The following HCAR1 variants were observed in gnomAD, a reference collection of about 807,000 sequenced individuals.
HCAR1 encodes G protein-coupled receptor 104.
For missense variants in HCAR1, 445 were observed against 448.7 expected, an observed-to-expected ratio of 0.99 and a Z score of 0.07; for synonymous variants, 183 against 182.1, an observed-to-expected ratio of 1.01 and a Z score of -0.04.
Position 122,726,878 on chromosome 12 carries a change from A to G in HCAR1, c.*2421T>C, listed in dbSNP as rs2135496862. On this transcript the variant is annotated 3_prime_UTR_variant, in exon 1 of 1. Coordinates refer to ENST00000432564, the MANE Select transcript of HCAR1 (RefSeq NM_032554.4). ...CAGTGAGCTGAGATTGGGCCACTGTACTCCAGCCTGGGTGATAGAGCAAGA... is the reference window on the plus strand; with the variant it reads ...CAGTGAGCTGAGATTGGGCCACTGTGCTCCAGCCTGGGTGATAGAGCAAGA... The G allele has an allele frequency of 1.4e-5, 2 of 147,666 alleles. No individual in the cohort carries two copies. Among genetic ancestry groups the G allele is most frequent in the Middle Eastern group, 7.0e-3 (2 of 286 alleles). 9.1% of individuals were successfully genotyped at this position (147,666 alleles called of 1,614,324 possible).
chr12:122,729,091 A>G lies in HCAR1; in HGVS notation c.*208T>C. 1 of 593,012 alleles carries G rather than the reference A, an allele frequency of 1.7e-6. No individual in the cohort carries two copies. The highest frequency in any genetic ancestry group is 3.0e-6 in the Non-Finnish European group (1 of 334,616). The allele number at this position is 593,012 out of a possible 1,614,324, so 36.7% of individuals were successfully genotyped here. On this transcript the variant is annotated 3_prime_UTR_variant, in exon 1 of 1. Coordinates refer to ENST00000432564, the MANE Select transcript of HCAR1 (RefSeq NM_032554.4). ...CCATTGTGATCAGATAAGAAAATGCAGCCAACTCACTTCAATCAACTGGAA... is the reference window on the plus strand; with the variant it reads ...CCATTGTGATCAGATAAGAAAATGCGGCCAACTCACTTCAATCAACTGGAA...
chr12:122,730,359 TC>T lies in HCAR1; in HGVS notation c.-21del. 2 of 1,537,244 alleles carry T rather than the reference TC, an allele frequency of 1.3e-6. No homozygotes were observed. Among genetic ancestry groups the T allele is most frequent in the Non-Finnish European group, 1.8e-6 (2 of 1,140,132 alleles). On this transcript the variant is annotated 5_prime_UTR_variant, in exon 1 of 1. Transcript: ENST00000432564. ...GTACATGGCGGGGACAGAGCAAGTGTCCGGGTGCAGAGCAGCCCAGGGAGTC... is the reference window on the plus strand; with the variant it reads ...GTACATGGCGGGGACAGAGCAAGTGTCGGGTGCAGAGCAGCCCAGGGAGTC...
chr12:122,730,123 C>T lies in HCAR1; in HGVS notation c.217G>A (p.Asp73Asn), dbSNP rs761606257. The T allele has an allele frequency of 6.2e-7, 1 of 1,614,076 alleles. No homozygotes were observed. Among genetic ancestry groups the T allele is most frequent in the Non-Finnish European group, 8.5e-7 (1 of 1,180,010 alleles). Residue 73 changes from aspartate to asparagine, a missense_variant, in exon 1 of 1, where the codon GAC (aspartate) becomes AAC (asparagine). Coordinates refer to ENST00000432564, the MANE Select transcript of HCAR1 (RefSeq NM_032554.4). ...CAGTGTCTACGTCTGAGGTAATAGTCTGTCCGAAAAGGCAGGCAGATCATA... is the reference window on the plus strand; with the variant it reads ...CAGTGTCTACGTCTGAGGTAATAGTTTGTCCGAAAAGGCAGGCAGATCATA... The part of the protein sequence containing the change: ...LLMICLPFRT[D>N]YYLRRRHWAF...
In HCAR1 at chr12:122,730,074, C is replaced by A; in HGVS notation, c.266G>T (p.Arg89Leu). ...RHWAFGDIPC[R>L]VGLFTLAMNR... ...CATGGCCAACGTGAAGAGCCCCACT[C>A]GGCAGGGAATGTCCCCAAAAGCCCA... Residue 89 changes from arginine to leucine, a missense_variant, in exon 1 of 1, where the codon CGA becomes CTA. By Grantham distance (102) the Arg-to-Leu change is moderately radical (BLOSUM62 -2). Coordinates refer to ENST00000432564, the MANE Select transcript of HCAR1 (RefSeq NM_032554.4). 1.2e-6 allele frequency: 2 copies of A among 1,614,120 alleles called. No individual in the cohort carries two copies. The highest frequency in any genetic ancestry group is 1.3e-5 in the African/African-American group (1 of 75,046).
Position 122,730,159 on chromosome 12 carries a change from C to A in HCAR1, c.181G>T (p.Asp61Tyr), listed in dbSNP as rs753043002. 2 of 1,614,016 alleles carry A rather than the reference C, an allele frequency of 1.2e-6. No individual in the cohort carries two copies. Among genetic ancestry groups the A allele is most frequent in the African/African-American group, 2.7e-5 (2 of 74,934 alleles). Residue 61 changes from aspartate to tyrosine, a missense_variant, in exon 1 of 1, where the codon GAT becomes TAT. Coordinates refer to ENST00000432564, the MANE Select transcript of HCAR1 (RefSeq NM_032554.4). ...GGCAGGCAGATCATAAGGAGGAAAT[C>A]AGCCACGGCCAAATTGAAAAGGTAA... ...TVYLFNLAVA[D>Y]FLLMICLPFR...
rs1297928842 is a variant in HCAR1 at position 122,728,529 on chromosome 12, T to TTGAC, written c.*766_*769dup. On this transcript the variant is annotated 3_prime_UTR_variant, in exon 1 of 1. Transcript: ENST00000432564. ...CATTCGGCCTGAAATAAAGCATTGA[T>TTGAC]TGACTGAGCCCGGTTTCTGTTTTCT... 4 of 152,254 alleles carry TTGAC rather than the reference T, an allele frequency of 2.6e-5. No homozygotes were observed. The highest frequency in any genetic ancestry group is 9.6e-5 in the African/African-American group (4 of 41,466). The allele number at this position is 152,254 out of a possible 1,614,324, so 9.4% of individuals were successfully genotyped here. A position where few individuals can be genotyped will look rare whatever the true frequency, so the allele number is the denominator to read the frequency against.
In HCAR1 at chr12:122,729,092, G is replaced by A. The variant is rs1877863228; in HGVS notation, c.*207C>T. 5 of 593,890 alleles carry A rather than the reference G, an allele frequency of 8.4e-6. No individual in the cohort carries two copies. In the South Asian group the frequency reaches 1.0e-4, roughly 12 times the overall value. The allele number at this position is 593,890 out of a possible 1,614,324, so 36.8% of individuals were successfully genotyped here. ...CATTGTGATCAGATAAGAAAATGCA[G>A]CCAACTCACTTCAATCAACTGGAAC... On this transcript the variant is annotated 3_prime_UTR_variant, in exon 1 of 1. Coordinates refer to ENST00000432564, the MANE Select transcript of HCAR1 (RefSeq NM_032554.4).
At position 122,729,772 on chromosome 12, in the gene HCAR1, C is replaced by T. The variant is rs1169670941; in HGVS notation, c.568G>A (p.Gly190Ser). ...TTGAAGGAGCAAAATAAGATGATGC[C>T]GAGGGGCATAAAGAACTCCAGCTGG... ...MFQLEFFMPL[G>S]IILFCSFKIV... Residue 190 changes from glycine (G) to serine (S), a missense_variant, in exon 1 of 1, where the codon GGC becomes AGC. Physicochemically the swap from Gly to Ser is moderately conservative, Grantham distance 56. Coordinates refer to ENST00000432564, the MANE Select transcript of HCAR1 (RefSeq NM_032554.4). The T allele has an allele frequency of 5.0e-6, 8 of 1,611,676 alleles. No individual in the cohort carries two copies. The highest frequency in any genetic ancestry group is 4.4e-5 in the South Asian group (4 of 91,074).
In HCAR1 at chr12:122,730,451, TCACC is replaced by T. The variant is rs1877918462; in HGVS notation, c.-116_-113del. 1.2e-6 allele frequency: 1 copy of T among 804,042 alleles called. No homozygotes were observed. Among genetic ancestry groups the T allele is most frequent in the Non-Finnish European group, 1.9e-6 (1 of 521,630 alleles). 49.8% of individuals were successfully genotyped at this position (804,042 alleles called of 1,614,324 possible). On this transcript the variant is annotated 5_prime_UTR_variant, in exon 1 of 1. Transcript: ENST00000432564. ...CCCAGCTGCTGCGTGTCTGACTTCA[TCACC>T]CAGGATGCGGGTCCTGTGTGTGTGG...
rs767045751 is a variant in HCAR1, at chr12:122,729,858, G to C, written c.482C>G (p.Thr161Arg). The change falls in exon 1 of 1, where the codon ACG becomes AGG. Residue 161 changes from threonine (T) to arginine (R), a missense_variant. By Grantham distance (71) the Thr-to-Arg change is moderately conservative. Coordinates refer to ENST00000432564, the MANE Select transcript of HCAR1 (RefSeq NM_032554.4). Reference protein sequence around the residue: ...LLENHLCVQETAVSCESFIME... With the variant: ...LLENHLCVQERAVSCESFIME... Reference sequence around the variant, plus strand: ...GATGAAGCTCTCACAGGAGACGGCCGTCTCTTGCACGCAGAGATGGTTCTC... The same window carrying C: ...GATGAAGCTCTCACAGGAGACGGCCCTCTCTTGCACGCAGAGATGGTTCTC... The C allele has an allele frequency of 6.2e-7, 1 of 1,610,874 alleles. No homozygotes were observed. Among genetic ancestry groups the C allele is most frequent in the Non-Finnish European group, 8.5e-7 (1 of 1,178,316 alleles).
In HCAR1 at chr12:122,729,178, A is replaced by G. The variant is rs1877865611; in HGVS notation, c.*121T>C. 1.3e-6 allele frequency: 1 copy of G among 795,550 alleles called. No homozygotes were observed. Among genetic ancestry groups the G allele is most frequent in the Non-Finnish European group, 2.0e-6 (1 of 491,482 alleles). 49.3% of individuals were successfully genotyped at this position (795,550 alleles called of 1,614,324 possible). A position where few individuals can be genotyped will look rare whatever the true frequency, so the allele number is the denominator to read the frequency against. On this transcript the variant is annotated 3_prime_UTR_variant, in exon 1 of 1. Coordinates refer to ENST00000432564, the MANE Select transcript of HCAR1 (RefSeq NM_032554.4). ...CGACAGAATGAGAAGGATGCAGTTC[A>G]TGTGCGAGAAGCCGTCTTGCAATAA...
rs751570225 is a variant in HCAR1, at chr12:122,729,919, C to T, written c.421G>A (p.Ala141Thr). The T allele has an allele frequency of 6.2e-7, 1 of 1,612,668 alleles. No homozygotes were observed. The highest frequency in any genetic ancestry group is 1.1e-5 in the South Asian group (1 of 91,068). Reference protein sequence around the residue: ...VAAGIVCTLWALVILGTVYLL... With the variant: ...VAAGIVCTLWTLVILGTVYLL... ...TACACTGTTCCCAGGATGACCAGGG[C>T]CCACAGGGTGCAGACGATGCCAGCC... The change falls in exon 1 of 1, where the codon GCC becomes ACC. Residue 141 changes from alanine (A) to threonine (T), a missense_variant. Transcript: ENST00000432564.
chr12:122,729,474 T>C lies in HCAR1; in HGVS notation c.866A>G (p.Tyr289Cys). ...YFSSPSFPKF[Y>C]NKLKICSLKP... ...CAGACTGCAGATTTTGAGCTTGTTG[T>C]AGAATTTGGGAAAGGAGGGGCTTGA... The change falls in exon 1 of 1, where the codon TAC becomes TGC. Residue 289 changes from tyrosine to cysteine, a missense_variant. Tyr to Cys is a radical substitution (Grantham distance 194). Transcript: ENST00000432564. The C allele has an allele frequency of 3.1e-6, 5 of 1,613,990 alleles. No individual in the cohort carries two copies. In the South Asian group the frequency reaches 3.3e-5, roughly 11 times the overall value.
chr12:122,730,192 T>G lies in HCAR1; in HGVS notation c.148A>C (p.Ser50Arg). The G allele has an allele frequency of 1.2e-6, 2 of 1,614,174 alleles. No homozygotes were observed. The highest frequency in any genetic ancestry group is 1.7e-6 in the Non-Finnish European group (2 of 1,180,026). Residue 50 changes from serine (S) to arginine (R), a missense_variant, in exon 1 of 1, where the codon AGC becomes CGC. Transcript: ENST00000432564. Reference sequence around the variant, plus strand: ...GCCAAATTGAAAAGGTAAACAGTGCTGGGCTTCCAGGTCTTCATGTGGAAG... The same window carrying G: ...GCCAAATTGAAAAGGTAAACAGTGCGGGGCTTCCAGGTCTTCATGTGGAAG... ...FCFHMKTWKP[S>R]TVYLFNLAVA...
rs1877828093 is a variant in HCAR1 at position 122,727,640 on chromosome 12, A to C, written c.*1659T>G. ...GCGCCACCACACCAGGCTAATTTTG[A>C]ATTTTTAGTAGAGACGAGGTTTCTC... On this transcript the variant is annotated 3_prime_UTR_variant, in exon 1 of 1. Coordinates refer to ENST00000432564, the MANE Select transcript of HCAR1 (RefSeq NM_032554.4). 1 of 152,042 alleles carries C rather than the reference A, an allele frequency of 6.6e-6. No individual in the cohort carries two copies. The highest frequency in any genetic ancestry group is 1.5e-5 in the Non-Finnish European group (1 of 68,042). The allele number at this position is 152,042 out of a possible 1,614,324, so 9.4% of individuals were successfully genotyped here.
In HCAR1 at chr12:122,730,002, C is replaced by T; in HGVS notation, c.338G>A (p.Arg113Lys). Reference protein sequence around the residue: ...IVFLTVVAADRYFKVVHPHHA... With the variant: ...IVFLTVVAADKYFKVVHPHHA... ...GTGGGGGTGGACCACTTTGAAATAC[C>T]TGTCCGCAGCCACCACCGTAAGGAA... Residue 113 changes from arginine to lysine, a missense_variant, in exon 1 of 1, where the codon AGG becomes AAG. Transcript: ENST00000432564. The T allele has an allele frequency of 1.9e-6, 3 of 1,614,030 alleles. No individual in the cohort carries two copies. Among genetic ancestry groups the T allele is most frequent in the Non-Finnish European group, 2.5e-6 (3 of 1,180,018 alleles).
Position 122,727,360 on chromosome 12 carries a change from T to A in HCAR1, c.*1939A>T, listed in dbSNP as rs1877819724. ...ATTCAAACTTCGATGCTTCTAATGC[T>A]CTATAGCTCGTACTTTTCATCACTA... On this transcript the variant is annotated 3_prime_UTR_variant, in exon 1 of 1. Coordinates refer to ENST00000432564, the MANE Select transcript of HCAR1 (RefSeq NM_032554.4). The A allele has an allele frequency of 6.6e-6, 1 of 152,180 alleles. No homozygotes were observed. The highest frequency in any genetic ancestry group is 6.6e-5 in the Admixed American group (1 of 15,266). The allele number at this position is 152,180 out of a possible 1,614,324, so 9.4% of individuals were successfully genotyped here.
At position 122,726,932 on chromosome 12, in the gene HCAR1, T is replaced by TAC. The variant is rs1329701804; in HGVS notation, c.*2366_*2367insGT. Reference sequence around the variant, plus strand: ...TGTCTCAAAAAAAAAAAAAAAAATATATATATATATAGATAGATAGATATC... The same window carrying TAC: ...TGTCTCAAAAAAAAAAAAAAAAATATACATATATATATAGATAGATAGATATC... On this transcript the variant is annotated 3_prime_UTR_variant, in exon 1 of 1. Transcript: ENST00000432564. 4.1e-5 allele frequency: 5 copies of TAC among 122,284 alleles called. No individual in the cohort carries two copies. The highest frequency in any genetic ancestry group is 1.4e-4 in the African/African-American group (4 of 28,028). 7.6% of individuals were successfully genotyped at this position (122,284 alleles called of 1,614,324 possible).
At position 122,730,662 on chromosome 12, in the gene HCAR1, A is replaced by C. The variant is rs1463387325; in HGVS notation, c.-323T>G. The C allele has an allele frequency of 3.7e-6, 1 of 267,334 alleles. No homozygotes were observed. The highest frequency in any genetic ancestry group is 7.3e-6 in the Non-Finnish European group (1 of 137,026). The allele number at this position is 267,334 out of a possible 1,614,324, so 16.6% of individuals were successfully genotyped here. ...AAAGTGGTCATTTCTGAGAGGCGGT[A>C]GGGTGGGGGGGTCCGATGAGATTGA... On this transcript the variant is annotated 5_prime_UTR_variant, in exon 1 of 1. Coordinates refer to ENST00000432564, the MANE Select transcript of HCAR1 (RefSeq NM_032554.4).
Sources: allele counts gnomAD v4.1 joint callset, GRCh38; gene constraint gnomAD v4.1.1; transcripts MANE v1.5; gene names NCBI Gene and HGNC (gene_info 2026-07-23, HGNC 2026-07-21).